Variants in PRKN observed in about 807,000 individuals in gnomAD.
PRKN encodes parkin RBR E3 ubiquitin protein ligase, also known as E3 ubiquitin-protein ligase parkin.
A neutral mutation model predicts 59.5 loss-of-function variants in PRKN; 56 were observed. The ratio of observed to expected loss-of-function variants is 0.94; its 90% CI spans 0.76 to 1.18. The LOEUF (loss-of-function observed/expected upper bound fraction) is 1.18, where lower values mean the gene tolerates loss of function less well. Among genes scored for constraint, PRKN ranks in the 50% most tolerant of loss-of-function variants. The pLI, the probability that PRKN is intolerant of heterozygous loss-of-function variation, is 0.00. For missense variants in PRKN, 657 were observed against 596.4 expected, an observed-to-expected ratio of 1.10 and a Z score of -1.06; for synonymous variants, 250 against 222.1, an observed-to-expected ratio of 1.13 and a Z score of -1.12.
intron 2 of PRKN, among the ~76,000 whole-genome samples, chr6:162,284,547 T>C (rs1488059132): frequency 1.3e-5 from 2 of 152,174 alleles, no homozygotes; most frequent in African/African-American, 4.8e-5. Context: ...TCATCTCACA[T>C]CTTGACCTTG....
chr6:162,095,838 C>G (rs1298640838), intron 4 of PRKN, among the ~76,000 whole-genome samples: 1 of 152,096 alleles, frequency 6.6e-6, no homozygotes, highest in Non-Finnish European at 1.5e-5. Flanking sequence ...ATTTATTTCT[C>G]TCAGAGGGCC....
At chr6:161,629,292 C>T (rs2144208) in intron 7 of PRKN, among the ~76,000 whole-genome samples, 32,370 of 151,978 alleles carry the variant, frequency 0.21, 3,568 homozygotes, top group African/African-American at 0.23. Context: ...TTTAGGGCAA[C>T]GCTCTCAGCC....
At chr6:162,487,807 G>T (rs1583657080) in intron 1 of PRKN, among the ~76,000 whole-genome samples, 2 of 152,194 alleles carry the variant, frequency 1.3e-5, no homozygotes, top group African/African-American at 4.8e-5. Context: ...TGGGTATGAG[G>T]ACTCATGCCT....
intron 1 of PRKN, among the ~76,000 whole-genome samples, chr6:162,714,720 G>C (rs1778660508): frequency 6.6e-6 from 1 of 152,168 alleles, no homozygotes; most frequent in Non-Finnish European, 1.5e-5. Flanking sequence ...ATGGAGAAAA[G>C]CTGCATTAGG....
intron 1 of PRKN, among the ~76,000 whole-genome samples, chr6:162,558,270 T>C (rs1779691862): frequency 6.6e-6 from 1 of 152,028 alleles, no homozygotes; most frequent in Admixed American, 6.6e-5. Context: ...CTATTCCGGA[T>C]TCCCCATATT....
chr6:162,570,148 T>C (rs911955095), intron 1 of PRKN, among the ~76,000 whole-genome samples: 7 of 152,114 alleles, frequency 4.6e-5, no homozygotes, highest in African/African-American at 1.7e-4. Context: ...GGCAAAAGAT[T>C]TGAACAGACA....
chr6:161,852,957 C>G (rs1234527972), intron 6 of PRKN, among the ~76,000 whole-genome samples: 1 of 152,154 alleles, frequency 6.6e-6, no homozygotes, highest in East Asian at 1.9e-4. Context: ...AGGAAAGAGA[C>G]AGCTGGGACC....
At chr6:162,679,420 C>T (rs141300048) in intron 1 of PRKN, among the ~76,000 whole-genome samples, 147 of 152,024 alleles carry the variant, frequency 9.7e-4, no homozygotes, top group African/African-American at 3.4e-3. Flanking sequence ...TTTGAAGAGC[C>T]GAATTTCTTA....
intron 2 of PRKN, among the ~76,000 whole-genome samples, chr6:162,338,489 A>C (rs1324716216): frequency 6.6e-6 from 1 of 152,126 alleles, no homozygotes; most frequent in Non-Finnish European, 1.5e-5. Flanking sequence ...CCTAACCGCG[A>C]GTGATCCGCC....
intron 2 of PRKN, among the ~76,000 whole-genome samples, chr6:162,392,979 T>C (rs1235817716): frequency 2.0e-5 from 3 of 151,836 alleles, no homozygotes; most frequent in Non-Finnish European, 4.4e-5. Context: ...CTTCAGTGCT[T>C]TTAGGGCCAC....
chr6:161,948,347 T>C (rs577566647), intron 6 of PRKN, among the ~76,000 whole-genome samples: 7 of 152,348 alleles, frequency 4.6e-5, no homozygotes, highest in Non-Finnish European at 1.0e-4. Context: ...TGGACTCATT[T>C]GCTCATTTAT....
chr6:162,243,475 C>A (rs186097937), intron 3 of PRKN, among the ~76,000 whole-genome samples: 1 of 152,086 alleles, frequency 6.6e-6, no homozygotes, highest in Admixed American at 6.5e-5. Context: ...GGTTTTAACA[C>A]AGGTTGATCA....
intron 6 of PRKN, among the ~76,000 whole-genome samples, chr6:161,884,273 TGTGTC>T (rs1795051562): frequency 6.6e-6 from 1 of 152,218 alleles, no homozygotes; most frequent in Non-Finnish European, 1.5e-5. Context: ...TTTGTGAAGA[TGTGTC>T]GTGTCAACTA....
Position 162,569,053 on chromosome 6 carries a change from G to C in PRKN, c.8-125580C>G, listed in dbSNP as rs577828583. 11 of 686,340 alleles carry C rather than the reference G, an allele frequency of 1.6e-5. No individual in the cohort carries two copies. The East Asian group carries it at 2.1e-4, about 13-fold the overall frequency. The allele number at this position is 686,340 out of a possible 1,614,324, so 42.5% of individuals were successfully genotyped here. On this transcript the variant is annotated intron_variant, in intron 1 of 11. Coordinates refer to ENST00000366898, the MANE Select transcript of PRKN (RefSeq NM_004562.3). ...TCGGACACATCTATGGTGCTGTCCA[G>C]GACAACAGCCACTTCCTGGACATGG...
chr6:162,086,383 G>C (rs1046008415), intron 4 of PRKN, among the ~76,000 whole-genome samples: 1 of 151,258 alleles, frequency 6.6e-6, no homozygotes, highest in Non-Finnish European at 1.5e-5. Flanking sequence ...GTTTGAGAGT[G>C]TAGAAAACTC....
chr6:162,102,985 G>A lies in PRKN; in HGVS notation c.535-48811C>T, dbSNP rs550882742. Among the ~76,000 whole-genome samples the A allele has an allele frequency of 1.0e-4, 15 of 150,318 alleles. No homozygotes were observed. In the South Asian group the frequency reaches 1.9e-3, roughly 19 times the overall value. On this transcript the variant is annotated intron_variant, in intron 4 of 11. Coordinates refer to ENST00000366898, the MANE Select transcript of PRKN (RefSeq NM_004562.3). Reference sequence around the variant, plus strand: ...GTGAACCCGGGAGGCAGAGCTTGCAGTGAGCAGAGATCGCGCCACTGCACT... The same window carrying A: ...GTGAACCCGGGAGGCAGAGCTTGCAATGAGCAGAGATCGCGCCACTGCACT...
chr6:161,478,528 T>C (rs1248038770), intron 9 of PRKN, among the ~76,000 whole-genome samples: 2 of 152,216 alleles, frequency 1.3e-5, no homozygotes, highest in African/African-American at 2.4e-5. Context: ...ATAGCTGTTA[T>C]GTGGCTTCTT....
chr6:162,707,070 A>G, intron 1 of PRKN, among the ~76,000 whole-genome samples: 1 of 152,318 alleles, frequency 6.6e-6, no homozygotes. Flanking sequence ...TAGAAAAGTT[A>G]ATTAAATTCT....
chr6:162,327,563 T>G (rs112274139), intron 2 of PRKN, among the ~76,000 whole-genome samples: 3 of 144,814 alleles, frequency 2.1e-5, no homozygotes, highest in African/African-American at 7.6e-5. Context: ...TTGAAAATGT[T>G]AGGTCCTTGA....
Sources: gnomAD v4.1 joint callset for allele counts (sites outside exome capture counted in the v4.1 genomes callset) on GRCh38, gnomAD v4.1.1 for gene constraint, MANE v1.5 for transcripts, NCBI Gene and HGNC (gene_info 2026-07-23, HGNC 2026-07-21) for gene names.